The following TMEM272 variants were observed in gnomAD, a reference collection of about 807,000 sequenced individuals.
The protein encoded by TMEM272 is transmembrane protein 272, also known as long intergenic non-protein coding RNA 282.
A neutral mutation model predicts 3.7 loss-of-function variants in TMEM272; 8 were observed. That is an observed-to-expected ratio of 2.17 (90% CI 1.27 to 3.91). The LOEUF is 3.91. Ranked by LOEUF, TMEM272 falls within the 30% of genes most tolerant of loss-of-function variation. The pLI is 0.00. For missense variants in TMEM272, 166 were observed against 91.5 expected (o/e 1.81, Z -3.32); for synonymous variants, 63 against 39.8 (o/e 1.58, Z -2.20).
the TMEM272 span, among the ~76,000 whole-genome samples, chr13:51,916,474 G>GT: frequency 2.0e-5 from 3 of 152,202 alleles, no homozygotes; most frequent in African/African-American, 7.2e-5. Flanking sequence ...TCAACAAGTG[G>GT]TAGCTATCAT....
chr13:51,917,479 C>A, the TMEM272 span, among the ~76,000 whole-genome samples: 2 of 152,138 alleles, frequency 1.3e-5, no homozygotes, highest in African/African-American at 4.8e-5. Flanking sequence ...TCTTCTGCCA[C>A]CCCTGCCCTG....
At chr13:51,850,600 T>G in the TMEM272 span, among the ~76,000 whole-genome samples, 1 of 152,186 alleles carries the variant, frequency 6.6e-6, no homozygotes, top group African/African-American at 2.4e-5. Context: ...CAGGTGGGGA[T>G]AGGGGGTATG....
the TMEM272 span, chr13:51,865,673 A>G: frequency 1.2e-6 from 2 of 1,614,122 alleles, no homozygotes; most frequent in Non-Finnish European, 1.7e-6. Flanking sequence ...AGAGGAGAAA[A>G]CCTTCTGGAA....
At chr13:51,915,933 C>T in the TMEM272 span, among the ~76,000 whole-genome samples, 3 of 151,962 alleles carry the variant, frequency 2.0e-5, no homozygotes, top group African/African-American at 4.8e-5. Context: ...ATTAGCTGGG[C>T]GTGGTGGTGT....
chr13:51,887,503 C>T, the TMEM272 span, among the ~76,000 whole-genome samples: 1 of 152,200 alleles, frequency 6.6e-6, no homozygotes, highest in Non-Finnish European at 1.5e-5. Flanking sequence ...TGAAGACCAT[C>T]TTTCTATACA....
the TMEM272 span, among the ~76,000 whole-genome samples, chr13:51,890,359 C>T: frequency 2.0e-5 from 3 of 152,060 alleles, no homozygotes; most frequent in South Asian, 6.2e-4. Context: ...TGTTAGTTTC[C>T]ACAAGAGCTA....
chr13:51,822,109 T>C lies in TMEM272; in HGVS notation c.147A>G (p.Ile49Met), dbSNP rs1327306208. Residue 49 changes from isoleucine (I) to methionine (M), a missense_variant, in exon 4 of 5, where the codon ATA (isoleucine) becomes ATG (methionine). Physicochemically the swap from Ile to Met is conservative, Grantham distance 10 (BLOSUM62 1). Coordinates refer to ENST00000629372, the MANE Select transcript of TMEM272 (RefSeq NM_001351003.2). ...IGMKFLEDCPIQPLIPLYLLV... is the reference protein window; with the variant it reads ...IGMKFLEDCPMQPLIPLYLLV... Reference sequence around the variant, plus strand: ...GCAAATATAAAGGAATGAGGGGCTGTATAGGGCAGTCCTCCAAAAATTTCA... The same window carrying C: ...GCAAATATAAAGGAATGAGGGGCTGCATAGGGCAGTCCTCCAAAAATTTCA... 1 of 701,684 alleles carries C rather than the reference T, an allele frequency of 1.4e-6. No individual in the cohort carries two copies. The highest frequency in any genetic ancestry group is 2.7e-5 in the East Asian group (1 of 37,286). The allele number at this position is 701,684 out of a possible 1,614,324, so 43.5% of individuals were successfully genotyped here. A position where few individuals can be genotyped will look rare whatever the true frequency, so the allele number is the denominator to read the frequency against.
At chr13:51,893,525 ATGTG>A in the TMEM272 span, among the ~76,000 whole-genome samples, 3 of 152,042 alleles carry the variant, frequency 2.0e-5, no homozygotes, top group Admixed American at 2.0e-4. Context: ...ACAACGATGA[ATGTG>A]TGTTTTTCTG....
the TMEM272 span, among the ~76,000 whole-genome samples, chr13:51,894,553 T>A: frequency 6.6e-6 from 1 of 152,100 alleles, no homozygotes; most frequent in Non-Finnish European, 1.5e-5. Context: ...GTTCTGTAAA[T>A]CTGAAAATTA....
At chr13:51,865,582 G>T in the TMEM272 span, 1 of 1,614,240 alleles carries the variant, frequency 6.2e-7, no homozygotes, top group Non-Finnish European at 8.5e-7. Flanking sequence ...TCAGGGAAGA[G>T]ATGTGGACTT....
chr13:51,864,254 G>A, the TMEM272 span, among the ~76,000 whole-genome samples: 4 of 151,394 alleles, frequency 2.6e-5, no homozygotes, highest in Non-Finnish European at 5.9e-5. Context: ...ACATGAAACC[G>A]CCACCAAGCA....
intron 3 of TMEM272, among the ~76,000 whole-genome samples, chr13:51,825,723 G>A (rs1956119044): frequency 6.6e-6 from 1 of 151,112 alleles, no homozygotes; most frequent in Non-Finnish European, 1.5e-5. Flanking sequence ...AGTCCCCCGA[G>A]TAGCTGGGAC....
chr13:51,879,035 C>T, the TMEM272 span, among the ~76,000 whole-genome samples: 273 of 152,266 alleles, frequency 1.8e-3, no homozygotes, highest in African/African-American at 6.3e-3. Context: ...CAGCCCTGGG[C>T]CCCACAGATC....
At chr13:51,832,606 C>T (rs1414848536) in intron 2 of TMEM272, among the ~76,000 whole-genome samples, 1 of 152,110 alleles carries the variant, frequency 6.6e-6, no homozygotes, top group Admixed American at 6.5e-5. Context: ...CCCAGTCACC[C>T]AAACCACTTC....
Position 51,816,475 on chromosome 13 carries a change from A to G in TMEM272, c.*276T>C. On this transcript the variant is annotated 3_prime_UTR_variant, in exon 5 of 5. Coordinates refer to ENST00000629372, the MANE Select transcript of TMEM272 (RefSeq NM_001351003.2). ...CCCACACTTCATACCCTCAAAAACA[A>G]TTATCCCTTTGAAAACTCTTGTGAG... is the stretch of plus-strand genomic sequence containing the variant. 1 of 352,382 alleles carries G rather than the reference A, an allele frequency of 2.8e-6. No individual in the cohort carries two copies. Among genetic ancestry groups the G allele is most frequent in the Non-Finnish European group, 5.2e-6 (1 of 191,682 alleles). 21.8% of individuals were successfully genotyped at this position (352,382 alleles called of 1,614,324 possible).
the TMEM272 span, among the ~76,000 whole-genome samples, chr13:51,852,427 A>G: frequency 6.6e-6 from 1 of 152,328 alleles, no homozygotes; most frequent in South Asian, 2.1e-4. Flanking sequence ...CTCTTTCACA[A>G]AGCCTGCTTC....
chr13:51,885,497 A>G, the TMEM272 span, among the ~76,000 whole-genome samples: 79 of 152,334 alleles, frequency 5.2e-4, 2 homozygotes, highest in East Asian at 0.015. Flanking sequence ...AGCATGGGGT[A>G]AACTGCCCCC....
the TMEM272 span, among the ~76,000 whole-genome samples, chr13:51,896,964 T>C: frequency 6.6e-6 from 1 of 152,114 alleles, no homozygotes; most frequent in Non-Finnish European, 1.5e-5. Context: ...TCTGCCGCAG[T>C]TCCATGTACA....
the TMEM272 span, among the ~76,000 whole-genome samples, chr13:51,902,583 G>A: frequency 7.9e-4 from 121 of 152,338 alleles, no homozygotes; most frequent in African/African-American, 2.8e-3. Flanking sequence ...TAGAGGGACT[G>A]AGCATTCTGC....
Sources: allele counts gnomAD v4.1 joint callset (sites outside exome capture counted in the v4.1 genomes callset), GRCh38; gene constraint gnomAD v4.1.1; transcripts MANE v1.5; gene names NCBI Gene and HGNC (gene_info 2026-07-23, HGNC 2026-07-21).